Variants in SLC2A5 observed in about 807,000 individuals in gnomAD.
SLC2A5 encodes the protein solute carrier family 2 member 5.
In SLC2A5, 56 loss-of-function variants were observed where a neutral mutation model predicts 50.3. The ratio of observed to expected loss-of-function variants is 1.11; its 90% CI spans 0.90 to 1.39. The LOEUF is 1.39. Among genes scored for constraint, SLC2A5 ranks in the 40% most tolerant of loss-of-function variants. The pLI is 0.00. For synonymous variants in SLC2A5, 269 were observed against 281.9 expected (o/e 0.95, Z 0.46); for missense variants, 566 against 650.1 (o/e 0.87, Z 1.41).
At chr1:9,066,888 G>A (rs1315363974) in intron 1 of SLC2A5, among the ~76,000 whole-genome samples, 9 of 151,800 alleles carry the variant, frequency 5.9e-5, no homozygotes, top group Middle Eastern at 3.2e-3. Context: ...TGAGGTGGGA[G>A]GATTGCTGGA....
rs183258035 is a variant in SLC2A5 at position 9,058,306 on chromosome 1, G to A, written c.34-56C>T. 3.2e-4 allele frequency: 381 copies of A among 1,194,860 alleles called. 2 individuals are homozygous for A. The East Asian group carries it at 8.1e-3, about 25-fold the overall frequency. 74.0% of individuals were successfully genotyped at this position (1,194,860 alleles called of 1,614,324 possible). On this transcript the variant is annotated intron_variant, in intron 1 of 11. Transcript: ENST00000377424. ...AGCCCCAGGGTTCCAGGGCCCTCCC[G>A]CTTTACTTCGGTTTCGTAGAAAGAT...
intron 3 of SLC2A5, among the ~76,000 whole-genome samples, chr1:9,050,971 G>C (rs1191338389): frequency 6.6e-6 from 1 of 152,144 alleles, no homozygotes; most frequent in Non-Finnish European, 1.5e-5. Flanking sequence ...AAATTCCAGG[G>C]AGGAAGAGGT....
At chr1:9,093,504 C>T in the SLC2A5 span, among the ~76,000 whole-genome samples, 1 of 152,212 alleles carries the variant, frequency 6.6e-6, no homozygotes, top group East Asian at 1.9e-4. Flanking sequence ...ACCAACCTTA[C>T]TACAGACCAT....
intron 4 of SLC2A5, 57 bp downstream of exon 4, chr1:9,047,553 G>A: frequency 6.3e-7 from 1 of 1,586,326 alleles, no homozygotes; most frequent in Non-Finnish European, 8.6e-7. Context: ...CTGGGAACCT[G>A]TTGTCCTCCT....
In SLC2A5 at chr1:9,068,781, A is replaced by G. The variant is rs113654721; in HGVS notation, c.33+723T>C. Among the ~76,000 whole-genome samples, 1,095 of 152,270 alleles carry G rather than the reference A, an allele frequency of 7.2e-3. 13 individuals are homozygous for G. Among genetic ancestry groups the G allele is most frequent in the African/African-American group, 0.025 (1,050 of 41,560 alleles). On this transcript the variant is annotated intron_variant, in intron 1 of 11. Transcript: ENST00000377424. The stretch of plus-strand genomic sequence containing the variant: ...TGCCTATGGTGAGGGTCTCACATCC[A>G]TGCCTGAACAAATGCTGTTTTGCAA...
intron 1 of SLC2A5, among the ~76,000 whole-genome samples, chr1:9,066,104 C>G (rs754802519): frequency 6.6e-6 from 1 of 152,150 alleles, no homozygotes; most frequent in Non-Finnish European, 1.5e-5. Flanking sequence ...CCGGAGAGCA[C>G]AGAGGGGTGT....
chr1:9,086,641 T>C (rs1223267920), intron 1 of SLC2A5, among the ~76,000 whole-genome samples: 3 of 152,168 alleles, frequency 2.0e-5, no homozygotes, highest in Non-Finnish European at 2.9e-5. Flanking sequence ...GCCACCCACC[T>C]TGGCCTCCCA....
rs368661178 is a variant in SLC2A5 at position 9,038,427 on chromosome 1, G to T, written c.1174+4C>A. The T allele has an allele frequency of 6.2e-7, 1 of 1,610,468 alleles. No homozygotes were observed. Among genetic ancestry groups the T allele is most frequent in the South Asian group, 1.1e-5 (1 of 90,848 alleles). ...ACACCCTGAGGCCAGCTTTGGGTAC[G>T]TACTGGGCCCGAGGGCATGTCCTAT... is the stretch of plus-strand genomic sequence containing the variant. On this transcript the variant is annotated splice_donor_region_variant and intron_variant, in intron 10 of 11. Coordinates refer to ENST00000377424, the MANE Select transcript of SLC2A5 (RefSeq NM_003039.3).
At chr1:9,079,307 C>T (rs114342891) in intron 2 of SLC2A5, among the ~76,000 whole-genome samples, 1,818 of 152,162 alleles carry the variant, frequency 0.012, 41 homozygotes, top group African/African-American at 0.041. Context: ...TGTGTTTTCT[C>T]ACCAAGAACA....
At chr1:9,052,974 A>ATG (rs200987895) in intron 3 of SLC2A5, among the ~76,000 whole-genome samples, 1 of 134,024 alleles carries the variant, frequency 7.5e-6, no homozygotes, top group African/African-American at 2.9e-5. Context: ...TCAAAAAAAA[A>ATG]TATATATATA....
At chr1:9,052,974 ATAT>A (rs764193762) in intron 3 of SLC2A5, among the ~76,000 whole-genome samples, 1 of 134,014 alleles carries the variant, frequency 7.5e-6, no homozygotes. Context: ...TCAAAAAAAA[ATAT>A]ATATATATAT....
intron 3 of SLC2A5, among the ~76,000 whole-genome samples, chr1:9,053,735 A>G (rs1338185854): frequency 6.7e-6 from 1 of 149,522 alleles, no homozygotes; most frequent in African/African-American, 2.5e-5. Context: ...TTGGCTGGAC[A>G]TGGTGGCAGG....
Position 9,057,583 on chromosome 1 carries a change from G to T in SLC2A5, c.158C>A (p.Thr53Asn). 6.2e-7 allele frequency: 1 copy of T among 1,612,968 alleles called. No homozygotes were observed. Among genetic ancestry groups the T allele is most frequent in the South Asian group, 1.1e-5 (1 of 90,962 alleles). ...ALLMQQFYNE[T>N]YYGRTGEFME... ...GAATTCACCGGTCCTACCATAGTAA[G>T]TCTCATTGTAAAATTGTTGCATGAG... is the stretch of plus-strand genomic sequence containing the variant. Residue 53 changes from threonine (T) to asparagine (N), a missense_variant, in exon 3 of 12, where the codon ACT becomes AAT. Thr to Asn is a moderately conservative substitution (Grantham distance 65, BLOSUM62 0). Coordinates refer to ENST00000377424, the MANE Select transcript of SLC2A5 (RefSeq NM_003039.3).
chr1:9,047,563 T>C, intron 4 of SLC2A5, 47 bp downstream of exon 4: 1 of 1,599,522 alleles, frequency 6.3e-7, no homozygotes. Context: ...GTTGTCCTCC[T>C]CCTTGACGAC....
intron 4 of SLC2A5, 79 bp from the exon 5 acceptor site, chr1:9,042,016 T>C (rs1641318354): frequency 1.1e-5 from 16 of 1,454,078 alleles, no homozygotes; most frequent in Non-Finnish European, 1.3e-5. Flanking sequence ...ATACTATTCT[T>C]AGCAATAACA....
chr1:9,039,530 G>A (rs1475623821), intron 8 of SLC2A5, 22 bp downstream of exon 8: 4 of 1,527,414 alleles, frequency 2.6e-6, no homozygotes. Context: ...TGGAGGCTGT[G>A]GGCAGCTCCC....
chr1:9,079,365 G>A (rs1269002545), intron 2 of SLC2A5, among the ~76,000 whole-genome samples: 1 of 152,208 alleles, frequency 6.6e-6, no homozygotes, highest in Non-Finnish European at 1.5e-5. Context: ...GGAAGGGCGT[G>A]CTCCTGGAGA....
intron 1 of SLC2A5, among the ~76,000 whole-genome samples, chr1:9,058,981 A>G (rs1641831306): frequency 6.6e-6 from 1 of 152,030 alleles, no homozygotes; most frequent in Non-Finnish European, 1.5e-5. Flanking sequence ...AATGAGGACA[A>G]TCACACTCCC....
chr1:9,086,175 T>A (rs963435149), intron 1 of SLC2A5, among the ~76,000 whole-genome samples: 1 of 152,180 alleles, frequency 6.6e-6, no homozygotes, highest in African/African-American at 2.4e-5. Context: ...TCTCAAGGGC[T>A]CTTTCTCCAG....
Sources: gnomAD v4.1 joint callset for allele counts (sites outside exome capture counted in the v4.1 genomes callset) on GRCh38, gnomAD v4.1.1 for gene constraint, MANE v1.5 for transcripts, NCBI Gene and HGNC (gene_info 2026-07-23, HGNC 2026-07-21) for gene names.